SOX6: variants seen among roughly 807,000 people sequenced by gnomAD.
The protein encoded by SOX6 is SRY-box transcription factor 6.
SOX6 carries 11 observed loss-of-function variants against 97.8 expected under a neutral mutation model. That is an observed-to-expected ratio of 0.11 (90% CI 0.07 to 0.19). The LOEUF is 0.19. Ranked by LOEUF, SOX6 falls within the 10% of genes least tolerant of loss-of-function variation. The pLI is 1.00. For synonymous variants in SOX6, 360 were observed against 371.4 expected (o/e 0.97, Z 0.35); for missense variants, 810 against 1,039.5 (o/e 0.78, Z 3.04).
chr11:16,162,862 TAGA>T lies in SOX6; in HGVS notation c.777+21021_777+21023del, dbSNP rs1422479520. ...TCCACGCTTTGTGGTTGTGACCAAT[TAGA>T]AGGACAGAGTTGGCTTTTTAAAAAT... is the stretch of plus-strand genomic sequence containing the variant. On this transcript the variant is annotated intron_variant, in intron 6 of 15. Coordinates refer to ENST00000683767, the MANE Select transcript of SOX6 (RefSeq NM_001367873.1). 2.6e-5 allele frequency among the ~76,000 whole-genome samples: 4 copies of T among 152,070 alleles called. No individual in the cohort carries two copies. The East Asian group carries it at 5.8e-4, about 22-fold the overall frequency.
chr11:16,107,405 G>GTA (rs773217756), intron 7 of SOX6, among the ~76,000 whole-genome samples: 52 of 138,864 alleles, frequency 3.7e-4, no homozygotes, highest in South Asian at 6.4e-4. Flanking sequence ...GTATATATAT[G>GTA]TATATATATA....
intron 3 of SOX6, among the ~76,000 whole-genome samples, chr11:16,272,506 TA>T (rs1409568592): frequency 6.6e-6 from 1 of 151,774 alleles, no homozygotes; most frequent in African/African-American, 2.4e-5. Context: ...TCATTAGCAT[TA>T]AAAAGCTTAT....
At chr11:16,072,031 A>C (rs1848238061) in intron 9 of SOX6, among the ~76,000 whole-genome samples, 2 of 152,170 alleles carry the variant, frequency 1.3e-5, no homozygotes, top group African/African-American at 4.8e-5. Flanking sequence ...GCCAGAGTGC[A>C]TTTTTACCTT....
chr11:16,346,186 T>C (rs1856772012), intron 1 of SOX6, among the ~76,000 whole-genome samples: 1 of 152,006 alleles, frequency 6.6e-6, no homozygotes, highest in South Asian at 2.1e-4. Context: ...GTTAATATAA[T>C]GCTGTACTTG....
chr11:16,186,054 T>C (rs1024211275), intron 5 of SOX6, among the ~76,000 whole-genome samples: 3 of 152,164 alleles, frequency 2.0e-5, no homozygotes, highest in African/African-American at 7.2e-5. Context: ...AATGTACTCT[T>C]ATGAGACAAG....
At chr11:16,341,370 G>A in intron 1 of SOX6, 118 bp from the exon 2 acceptor site, 1 of 1,418,544 alleles carries the variant, frequency 7.0e-7, no homozygotes, top group Non-Finnish European at 9.4e-7. Context: ...AGATATTTGT[G>A]GTCCACTCTA....
chr11:16,454,576 G>T (rs1339507712), intron 1 of SOX6, among the ~76,000 whole-genome samples: 2 of 152,014 alleles, frequency 1.3e-5, no homozygotes, highest in African/African-American at 4.8e-5. Context: ...TTTAAGATCA[G>T]CTTTACCTAA....
chr11:16,602,769 C>T (rs1319614514), intron 4 of SOX6, among the ~76,000 whole-genome samples: 1 of 152,074 alleles, frequency 6.6e-6, no homozygotes, highest in Non-Finnish European at 1.5e-5. Flanking sequence ...CGCCTGTAAT[C>T]CCAGCACTTT....
intron 3 of SOX6, among the ~76,000 whole-genome samples, chr11:16,638,959 A>G (rs1848844151): frequency 6.6e-6 from 1 of 152,130 alleles, no homozygotes; most frequent in African/African-American, 2.4e-5. Context: ...TTTTGTTGCC[A>G]TTGCTTTTGG....
At chr11:16,090,887 A>C (rs1848670466) in intron 9 of SOX6, among the ~76,000 whole-genome samples, 1 of 152,088 alleles carries the variant, frequency 6.6e-6, no homozygotes, top group Non-Finnish European at 1.5e-5. Context: ...AGTTTTACCT[A>C]TTCTGATGAT....
chr11:16,258,697 T>C (rs748953808), intron 3 of SOX6, among the ~76,000 whole-genome samples: 19 of 151,808 alleles, frequency 1.3e-4, no homozygotes, highest in Admixed American at 2.0e-4. Flanking sequence ...CAGTGAACCA[T>C]AATATAAACT....
chr11:16,466,939 AAAAAAAAAAAAAAAACAACTCCATG>A (rs1423828928), intron 1 of SOX6, among the ~76,000 whole-genome samples: 1 of 150,194 alleles, frequency 6.7e-6, no homozygotes. Context: ...TCAAAAAAAA[AAAAAAAAAAAAAAAACAACTCCATG>A]AAAAAGTGGG....
chr11:16,530,695 C>T (rs775709970), intron 4 of SOX6, among the ~76,000 whole-genome samples: 5 of 151,926 alleles, frequency 3.3e-5, no homozygotes, highest in Non-Finnish European at 5.9e-5. Context: ...AATATCCCAG[C>T]TCCACACTGA....
intron 1 of SOX6, among the ~76,000 whole-genome samples, chr11:16,423,355 G>A (rs903033898): frequency 2.6e-5 from 4 of 152,018 alleles, no homozygotes; most frequent in Admixed American, 6.5e-5. Flanking sequence ...AAATTGTACC[G>A]CCATCACTCT....
At chr11:16,594,614 G>C (rs73419031) in intron 4 of SOX6, among the ~76,000 whole-genome samples, 1 of 133,482 alleles carries the variant, frequency 7.5e-6, no homozygotes, top group Non-Finnish European at 1.6e-5. Context: ...TTAATATGCT[G>C]TTTTCCAAGT....
At chr11:16,266,347 A>C (rs1331972814) in intron 3 of SOX6, among the ~76,000 whole-genome samples, 3 of 151,668 alleles carry the variant, frequency 2.0e-5, no homozygotes, top group Non-Finnish European at 4.4e-5. Flanking sequence ...TTCAAACAAA[A>C]AGATGAAATA....
chr11:16,714,469 T>G (rs1848203919), intron 3 of SOX6, among the ~76,000 whole-genome samples: 1 of 149,476 alleles, frequency 6.7e-6, no homozygotes, highest in South Asian at 2.1e-4. Context: ...TTTTTTTTTT[T>G]TTCAGACAGA....
chr11:16,719,775 A>T (rs1273623598), intron 2 of SOX6, among the ~76,000 whole-genome samples: 2 of 152,088 alleles, frequency 1.3e-5, no homozygotes, highest in African/African-American at 4.8e-5. Context: ...AATAAACAAA[A>T]TTAGCTATGC....
intron 3 of SOX6, among the ~76,000 whole-genome samples, chr11:16,631,932 C>A (rs1021131205): frequency 1.3e-5 from 2 of 152,118 alleles, no homozygotes; most frequent in Non-Finnish European, 1.5e-5. Flanking sequence ...ATTGCAGAAG[C>A]TCTGATTTAT....
Sources: allele counts gnomAD v4.1 joint callset (sites outside exome capture counted in the v4.1 genomes callset), GRCh38; gene constraint gnomAD v4.1.1; transcripts MANE v1.5; gene names NCBI Gene and HGNC (gene_info 2026-07-23, HGNC 2026-07-21).